Variants in PPP1R1C observed in about 807,000 individuals in gnomAD.
PPP1R1C encodes the protein protein phosphatase 1 regulatory subunit 1C.
In PPP1R1C, 15 loss-of-function variants were observed where a neutral mutation model predicts 17.4. That is an observed-to-expected ratio of 0.86 (90% CI 0.58 to 1.33). PPP1R1C has a LOEUF of 1.33. Among genes scored for constraint, PPP1R1C ranks in the 40% most tolerant of loss-of-function variants. The pLI is 0.00. For synonymous variants in PPP1R1C, 35 were observed against 43.1 expected, an observed-to-expected ratio of 0.81 and a Z score of 0.73; for missense variants, 143 against 130.0, an observed-to-expected ratio of 1.10 and a Z score of -0.48.
chr2:182,000,607 A>T (rs1224520576), intron 2 of PPP1R1C, among the ~76,000 whole-genome samples: 1 of 152,130 alleles, frequency 6.6e-6, no homozygotes, highest in East Asian at 1.9e-4. Context: ...TACACATTAG[A>T]GATATTATCT....
chr2:181,993,185 C>T (rs1685515640), intron 2 of PPP1R1C, among the ~76,000 whole-genome samples: 1 of 151,968 alleles, frequency 6.6e-6, no homozygotes, highest in South Asian at 2.1e-4. Flanking sequence ...TTTTTTAATC[C>T]AAAAATAACA....
chr2:181,974,795 G>T (rs922571640), intron 1 of PPP1R1C, among the ~76,000 whole-genome samples: 1 of 152,196 alleles, frequency 6.6e-6, no homozygotes, highest in Non-Finnish European at 1.5e-5. Context: ...AGAGTAGTTA[G>T]GCAGCAGTAG....
intron 4 of PPP1R1C, among the ~76,000 whole-genome samples, chr2:182,083,355 G>A (rs1412223157): frequency 3.9e-5 from 6 of 152,140 alleles, no homozygotes; most frequent in Non-Finnish European, 8.8e-5. Flanking sequence ...CATCATACAA[G>A]TGCTGTATAT....
chr2:182,014,994 C>T lies in PPP1R1C; in HGVS notation c.142+27095C>T, dbSNP rs1053826282. Among the ~76,000 whole-genome samples the T allele has an allele frequency of 3.9e-4, 59 of 152,048 alleles. 1 individual carries two copies. The highest frequency in any genetic ancestry group is 4.4e-5 in the Non-Finnish European group (3 of 68,008). ...CGGGTGCGGAAATGCTGTCCAGAAGCCATAGCTAGAATCAAGGACCCTAGA... is the reference window on the plus strand; with the variant it reads ...CGGGTGCGGAAATGCTGTCCAGAAGTCATAGCTAGAATCAAGGACCCTAGA... On this transcript the variant is annotated intron_variant, in intron 2 of 4. Coordinates refer to ENST00000682840, the MANE Select transcript of PPP1R1C (RefSeq NM_001080545.3).
chr2:182,020,765 C>A (rs1196949099), intron 2 of PPP1R1C, among the ~76,000 whole-genome samples: 1 of 152,172 alleles, frequency 6.6e-6, no homozygotes, highest in Non-Finnish European at 1.5e-5. Flanking sequence ...TTTGTTCTGA[C>A]CTTCCCCAAC....
intron 4 of PPP1R1C, among the ~76,000 whole-genome samples, chr2:182,115,735 G>T (rs1366925786): frequency 1.3e-5 from 2 of 152,128 alleles, no homozygotes; most frequent in East Asian, 3.9e-4. Context: ...ATTATTACAA[G>T]TGATAAAATA....
chr2:182,070,087 A>G (rs1688098442), intron 4 of PPP1R1C, among the ~76,000 whole-genome samples: 1 of 152,220 alleles, frequency 6.6e-6, no homozygotes, highest in African/African-American at 2.4e-5. Context: ...ATAGGGATTT[A>G]GACAAAGACA....
rs1684691365 is a variant in PPP1R1C, at chr2:181,957,587, T to G, written n.111+2953T>G. On this transcript the variant is annotated intron_variant and non_coding_transcript_variant, in intron 1 of 5. Coordinates refer to the PPP1R1C transcript ENST00000464264. The surrounding 1 kb of genome is among the most constrained non-coding windows in gnomAD (Gnocchi z 4.2). ...GTTATTGGGTAGTCCTAGATAAAAT[T>G]TATGAAGTTAGGGTGTCTTCTTCTC... is the stretch of plus-strand genomic sequence containing the variant. 6.6e-6 allele frequency among the ~76,000 whole-genome samples: 1 copy of G among 152,186 alleles called. No individual in the cohort carries two copies. Among genetic ancestry groups the G allele is most frequent in the African/African-American group, 2.4e-5 (1 of 41,438 alleles).
Position 182,079,136 on chromosome 2 carries a change from T to C in PPP1R1C, c.241+15345T>C, listed in dbSNP as rs542741977. Among the ~76,000 whole-genome samples the C allele has an allele frequency of 2.3e-4, 35 of 152,334 alleles. No individual in the cohort carries two copies. The South Asian group carries it at 3.3e-3, about 14-fold the overall frequency. Reference sequence around the variant, plus strand: ...CATTAAATCAGGCTATAAAAGAAGCTATGTAAACACTATATTCTGATGAAG... The same window carrying C: ...CATTAAATCAGGCTATAAAAGAAGCCATGTAAACACTATATTCTGATGAAG... On this transcript the variant is annotated intron_variant, in intron 4 of 4. Coordinates refer to ENST00000682840, the MANE Select transcript of PPP1R1C (RefSeq NM_001080545.3).
intron 2 of PPP1R1C, among the ~76,000 whole-genome samples, chr2:182,030,660 C>T (rs1288146584): frequency 6.8e-6 from 1 of 148,088 alleles, no homozygotes; most frequent in Non-Finnish European, 1.5e-5. Context: ...TTACTGCTGT[C>T]TTTTTGTTTG....
At chr2:182,109,362 T>A (rs1669979526) in intron 4 of PPP1R1C, among the ~76,000 whole-genome samples, 1 of 152,214 alleles carries the variant, frequency 6.6e-6, no homozygotes. Flanking sequence ...ACAGCTTACC[T>A]GTTTCTTTTC....
intron 1 of PPP1R1C, among the ~76,000 whole-genome samples, chr2:181,970,570 C>T (rs1684988649): frequency 6.6e-6 from 1 of 152,180 alleles, no homozygotes; most frequent in African/African-American, 2.4e-5. Context: ...ATAACCACTG[C>T]TTGGCTATCA....
At chr2:182,126,808 T>C (rs1270309075) in intron 5 of PPP1R1C, among the ~76,000 whole-genome samples, 1 of 151,956 alleles carries the variant, frequency 6.6e-6, no homozygotes, top group Non-Finnish European at 1.5e-5. Flanking sequence ...AATGGAGACT[T>C]GGTGTATAGA....
intron 4 of PPP1R1C, among the ~76,000 whole-genome samples, chr2:182,083,436 G>A (rs139778354): frequency 1.1e-3 from 160 of 152,146 alleles, no homozygotes; most frequent in Non-Finnish European, 1.7e-3. Flanking sequence ...TCCAATGTCT[G>A]TTATACAACT....
intron 4 of PPP1R1C, among the ~76,000 whole-genome samples, chr2:182,112,141 T>C (rs747862176): frequency 4.6e-5 from 7 of 152,206 alleles, no homozygotes; most frequent in Non-Finnish European, 8.8e-5. Flanking sequence ...CCATCTGATT[T>C]GTACCTGTTT....
chr2:182,042,076 A>G (rs961710832), intron 2 of PPP1R1C, among the ~76,000 whole-genome samples: 2 of 152,300 alleles, frequency 1.3e-5, no homozygotes, highest in African/African-American at 4.8e-5. Flanking sequence ...TGTTGTATTT[A>G]ACACATCTTA....
intron 1 of PPP1R1C, among the ~76,000 whole-genome samples, chr2:181,968,529 T>A (rs1342072838): frequency 6.6e-6 from 1 of 152,360 alleles, no homozygotes; most frequent in East Asian, 1.9e-4. Flanking sequence ...CTATTTTGGT[T>A]TCCATTTACA....
intron 4 of PPP1R1C, among the ~76,000 whole-genome samples, chr2:182,115,981 A>G (rs1381742626): frequency 2.0e-5 from 3 of 152,200 alleles, no homozygotes; most frequent in African/African-American, 7.2e-5. Context: ...GCCCACGTTA[A>G]CTATCACTAT....
At chr2:182,024,705 A>G (rs888619258) in intron 2 of PPP1R1C, among the ~76,000 whole-genome samples, 1 of 152,060 alleles carries the variant, frequency 6.6e-6, no homozygotes, top group Non-Finnish European at 1.5e-5. Context: ...AATACAAAAA[A>G]TTAGCCAGGC....
Sources: gnomAD v4.1 joint callset for allele counts (sites outside exome capture counted in the v4.1 genomes callset) on GRCh38, gnomAD v4.1.1 for gene constraint, Gnocchi (gnomAD v3.1) non-coding constraint, MANE v1.5 for transcripts, NCBI Gene and HGNC (gene_info 2026-07-23, HGNC 2026-07-21) for gene names.